The following NMNAT3 variants were observed in gnomAD, a reference collection of about 807,000 sequenced individuals.
NMNAT3 encodes nicotinamide nucleotide adenylyltransferase 3, also known as nicotinamide/nicotinic acid mononucleotide adenylyltransferase 3.
Under a neutral mutation model 24.8 loss-of-function variants are expected in NMNAT3, and 21 were observed. The ratio of observed to expected loss-of-function variants is 0.85; its 90% CI spans 0.60 to 1.22. The LOEUF is 1.22. Among genes scored for constraint, NMNAT3 ranks in the 50% most tolerant of loss-of-function variants. NMNAT3 has a pLI of 0.00. For missense variants in NMNAT3, 387 were observed against 436.6 expected, an observed-to-expected ratio of 0.89 and a Z score of 1.01; for synonymous variants, 136 against 155.2, an observed-to-expected ratio of 0.88 and a Z score of 0.92.
intron 1 of NMNAT3, among the ~76,000 whole-genome samples, chr3:139,655,919 T>A (rs1314212452): frequency 6.6e-6 from 1 of 152,236 alleles, no homozygotes; most frequent in East Asian, 1.9e-4. Context: ...GGCTGCTTTA[T>A]GTGACTGGCC....
At chr3:139,650,982 T>C (rs574997867) in intron 1 of NMNAT3, among the ~76,000 whole-genome samples, 14 of 152,324 alleles carry the variant, frequency 9.2e-5, no homozygotes, top group African/African-American at 2.9e-4. Context: ...CACCACATCA[T>C]TTATAAAATA....
chr3:139,624,833 G>C (rs2055980319), intron 3 of NMNAT3, among the ~76,000 whole-genome samples: 1 of 152,278 alleles, frequency 6.6e-6, no homozygotes, highest in South Asian at 2.1e-4. Context: ...CTGTGATGTA[G>C]GATGCAGTGG....
chr3:139,640,616 A>C (rs1272981033), intron 1 of NMNAT3, among the ~76,000 whole-genome samples: 1 of 152,206 alleles, frequency 6.6e-6, no homozygotes, highest in Non-Finnish European at 1.5e-5. Context: ...CAGGCTCTCC[A>C]TGAAGGCTGA....
At chr3:139,652,118 C>A (rs1269554158) in intron 1 of NMNAT3, among the ~76,000 whole-genome samples, 1 of 152,164 alleles carries the variant, frequency 6.6e-6, no homozygotes, top group East Asian at 1.9e-4. Context: ...TGGGGAAGAC[C>A]ATCGTGCCCT....
At chr3:139,581,116 C>A (rs1035730169) in intron 4 of NMNAT3, among the ~76,000 whole-genome samples, 1 of 152,100 alleles carries the variant, frequency 6.6e-6, no homozygotes, top group Non-Finnish European at 1.5e-5. Flanking sequence ...AACATTCAGA[C>A]AATTGACCTG....
chr3:139,607,686 G>A (rs2055008019), intron 3 of NMNAT3, among the ~76,000 whole-genome samples: 1 of 151,932 alleles, frequency 6.6e-6, no homozygotes, highest in Non-Finnish European at 1.5e-5. Context: ...TGATCCCATT[G>A]TTCCAATAGT....
At chr3:139,668,895 AAAGGG>A (rs1322908563) in intron 1 of NMNAT3, among the ~76,000 whole-genome samples, 1 of 152,226 alleles carries the variant, frequency 6.6e-6, no homozygotes, top group Non-Finnish European at 1.5e-5. Flanking sequence ...ACCATAACTT[AAAGGG>A]AAATGACTTT....
chr3:139,603,481 T>C (rs1310543687), intron 3 of NMNAT3, among the ~76,000 whole-genome samples: 1 of 152,194 alleles, frequency 6.6e-6, no homozygotes. Context: ...GTTAAAACAC[T>C]GACCTAAATT....
At chr3:139,595,791 A>G (rs1222947170) in intron 3 of NMNAT3, among the ~76,000 whole-genome samples, 2 of 152,198 alleles carry the variant, frequency 1.3e-5, no homozygotes, top group African/African-American at 4.8e-5. Context: ...CCTTCCTTAC[A>G]CCTTATACAA....
chr3:139,596,425 T>A (rs147444629), intron 3 of NMNAT3, among the ~76,000 whole-genome samples: 6 of 152,140 alleles, frequency 3.9e-5, no homozygotes, highest in Non-Finnish European at 7.4e-5. Flanking sequence ...TCAAACTGCT[T>A]TTTTTTCCCT....
At chr3:139,667,833 G>A (rs1280529809) in intron 1 of NMNAT3, among the ~76,000 whole-genome samples, 1 of 152,218 alleles carries the variant, frequency 6.6e-6, no homozygotes, top group Non-Finnish European at 1.5e-5. Context: ...GAAACAATCT[G>A]AGAGGGGCAA....
intron 3 of NMNAT3, among the ~76,000 whole-genome samples, chr3:139,621,989 G>A (rs920488869): frequency 6.6e-6 from 1 of 152,116 alleles, no homozygotes; most frequent in Non-Finnish European, 1.5e-5. Context: ...TCCATTGATG[G>A]ACACTTAGGT....
chr3:139,571,202 G>A (rs141247768), intron 6 of NMNAT3: 1,649 of 152,436 alleles, frequency 0.011, 18 homozygotes, highest in Middle Eastern at 0.017. Context: ...TTGGAAAAGC[G>A]CAGTATTAGG....
intron 3 of NMNAT3, among the ~76,000 whole-genome samples, chr3:139,615,547 C>T (rs995058630): frequency 6.6e-6 from 1 of 151,862 alleles, no homozygotes; most frequent in Non-Finnish European, 1.5e-5. Flanking sequence ...CTTATCTATT[C>T]ATGAGTTCAC....
chr3:139,593,400 A>G (rs1379747718), intron 3 of NMNAT3, among the ~76,000 whole-genome samples: 1 of 152,138 alleles, frequency 6.6e-6, no homozygotes, highest in Non-Finnish European at 1.5e-5. Flanking sequence ...TAGACAGATC[A>G]ACGAGACAGA....
At chr3:139,588,318 G>A (rs47442) in intron 3 of NMNAT3, among the ~76,000 whole-genome samples, 50,648 of 151,988 alleles carry the variant, frequency 0.33, 10,343 homozygotes, top group South Asian at 0.63. Flanking sequence ...GTAACACGAC[G>A]AGCACATTAG....
chr3:139,568,132 G>T (rs1937532083), intron 6 of NMNAT3: 1 of 152,182 alleles, frequency 6.6e-6, no homozygotes, highest in South Asian at 2.1e-4. Flanking sequence ...TTTGCATAGA[G>T]GTGTTTATAG....
chr3:139,640,497 G>T (rs2056662154), intron 1 of NMNAT3, among the ~76,000 whole-genome samples: 1 of 152,172 alleles, frequency 6.6e-6, no homozygotes, highest in African/African-American at 2.4e-5. Context: ...TAGCTTGTTT[G>T]TTCATTCATT....
At chr3:139,581,857 AGTTT>A (rs750419503) in intron 4 of NMNAT3, among the ~76,000 whole-genome samples, 28 of 152,190 alleles carry the variant, frequency 1.8e-4, no homozygotes, top group Admixed American at 7.2e-4. Flanking sequence ...AAACATACGT[AGTTT>A]ATTATATGTT....
Sources: gnomAD v4.1 joint callset for allele counts (sites outside exome capture counted in the v4.1 genomes callset) on GRCh38, gnomAD v4.1.1 for gene constraint, MANE v1.5 for transcripts, NCBI Gene and HGNC (gene_info 2026-07-23, HGNC 2026-07-21) for gene names.